FILIP1L: variants seen among roughly 807,000 people sequenced by gnomAD.
The protein encoded by FILIP1L is filamin A interacting protein 1 like.
A neutral mutation model predicts 96.6 loss-of-function variants in FILIP1L; 55 were observed. The ratio of observed to expected loss-of-function variants is 0.57; its 90% CI spans 0.46 to 0.71. FILIP1L has a LOEUF of 0.71. FILIP1L is among the 30% of genes least tolerant of loss of function. The pLI is 0.00. For synonymous variants in FILIP1L, 467 were observed against 473.9 expected (o/e 0.99, Z 0.19); for missense variants, 1,304 against 1,321.2 (o/e 0.99, Z 0.20).
intron 4 of FILIP1L, among the ~76,000 whole-genome samples, chr3:99,867,954 A>G (rs1944601748): frequency 6.6e-6 from 1 of 152,230 alleles, no homozygotes; most frequent in Non-Finnish European, 1.5e-5. Context: ...CTGAAAAATT[A>G]ACACCTAGGC....
intron 4 of FILIP1L, among the ~76,000 whole-genome samples, chr3:99,866,972 G>C (rs1944551236): frequency 6.6e-6 from 1 of 152,162 alleles, no homozygotes; most frequent in Non-Finnish European, 1.5e-5. Flanking sequence ...TGTAAGTCCA[G>C]AGCATTTGGG....
intron 1 of FILIP1L, among the ~76,000 whole-genome samples, chr3:99,949,611 A>G (rs553675823): frequency 2.0e-5 from 3 of 152,348 alleles, no homozygotes; most frequent in Admixed American, 1.3e-4. Flanking sequence ...ATTTCAAAGT[A>G]CTTAATATTT....
chr3:100,093,791 A>ATATTTAT (rs2066155369), intron 1 of FILIP1L, among the ~76,000 whole-genome samples: 1 of 152,236 alleles, frequency 6.6e-6, no homozygotes, highest in Non-Finnish European at 1.5e-5. Context: ...TATAAATAGA[A>ATATTTAT]TCATACAACA....
intron 1 of FILIP1L, among the ~76,000 whole-genome samples, chr3:100,105,628 A>C (rs899142823): frequency 2.0e-5 from 3 of 152,158 alleles, no homozygotes; most frequent in Non-Finnish European, 1.5e-5. Context: ...TGACATTCTG[A>C]GTTAATAGGC....
chr3:99,951,681 T>C (rs1356261154), intron 1 of FILIP1L, among the ~76,000 whole-genome samples: 1 of 152,202 alleles, frequency 6.6e-6, no homozygotes, highest in Non-Finnish European at 1.5e-5. Context: ...GGCCACCTTA[T>C]GTCTCTTCCC....
At chr3:99,935,493 T>C (rs1707634630) in intron 1 of FILIP1L, among the ~76,000 whole-genome samples, 1 of 152,180 alleles carries the variant, frequency 6.6e-6, no homozygotes, top group Admixed American at 6.5e-5. Context: ...ATCCCAGCTC[T>C]GCCTTTAATT....
Position 99,850,022 on chromosome 3 carries a change from C to A in FILIP1L, c.1654G>T (p.Asp552Tyr), listed in dbSNP as rs376021359. 3 of 1,607,160 alleles carry A rather than the reference C, an allele frequency of 1.9e-6. No individual in the cohort carries two copies. The highest frequency in any genetic ancestry group is 2.2e-5 in the East Asian group (1 of 44,838). ...ETKRALKSKTDVEEKMYSVTK... is the reference protein window; with the variant it reads ...ETKRALKSKTYVEEKMYSVTK... The stretch of plus-strand genomic sequence containing the variant: ...ACGCTGTACATCTTTTCTTCTACAT[C>A]GGTTTTGGACTTGAGCGCCCTTTTA... The change falls in exon 5 of 6, where the codon GAT (aspartate) becomes TAT (tyrosine). Residue 552 changes from aspartate (D) to tyrosine (Y), a missense_variant. By Grantham distance (160) the Asp-to-Tyr change is radical. Coordinates refer to ENST00000477258, the MANE Select transcript of FILIP1L (RefSeq NM_001387850.1).
At chr3:100,005,185 G>T (rs1709954085) in intron 1 of FILIP1L, among the ~76,000 whole-genome samples, 1 of 152,158 alleles carries the variant, frequency 6.6e-6, no homozygotes, top group Admixed American at 6.5e-5. Context: ...TTTCTTTCCT[G>T]TATTTGTATA....
At chr3:99,937,826 G>A (rs1404953869) in intron 1 of FILIP1L, among the ~76,000 whole-genome samples, 1 of 152,200 alleles carries the variant, frequency 6.6e-6, no homozygotes, top group Non-Finnish European at 1.5e-5. Context: ...AAGTAGCTGT[G>A]TATAGACCTC....
chr3:100,060,115 T>C (rs2065536025), intron 1 of FILIP1L, among the ~76,000 whole-genome samples: 3 of 151,990 alleles, frequency 2.0e-5, no homozygotes, highest in Non-Finnish European at 4.4e-5. Flanking sequence ...GTAAAGGGAT[T>C]TGAGGAAACT....
intron 1 of FILIP1L, among the ~76,000 whole-genome samples, chr3:100,077,023 C>T (rs895771544): frequency 4.6e-5 from 7 of 152,178 alleles, no homozygotes; most frequent in African/African-American, 9.7e-5. Context: ...AGAGGGCTTT[C>T]GGAACAAGGC....
At chr3:99,832,906 GT>G (rs2107488099) in intron 5 of FILIP1L, among the ~76,000 whole-genome samples, 1 of 143,916 alleles carries the variant, frequency 6.9e-6, no homozygotes, top group South Asian at 2.2e-4. Flanking sequence ...ACATGTTTCA[GT>G]AAATGAGGTA....
chr3:100,023,892 A>T (rs1306357155), intron 1 of FILIP1L, among the ~76,000 whole-genome samples: 1 of 152,204 alleles, frequency 6.6e-6, no homozygotes, highest in African/African-American at 2.4e-5. Context: ...TTTAGCAAAC[A>T]TTTTTAAAAC....
At position 99,850,714 on chromosome 3, in the gene FILIP1L, C is replaced by T. The variant is rs756569513; in HGVS notation, c.962G>A (p.Arg321His). The T allele has an allele frequency of 6.2e-5, 100 of 1,614,010 alleles. 1 individual carries two copies. In the Admixed American group the frequency reaches 6.5e-4, roughly 10 times the overall value. ...AKLTNEDSQN[R>H]QLQQKLAALS... ...TGCTGCCAGCTTTTGTTGAAGCTGG[C>T]GATTTTGACTGTCCTCATTGGTGAG... is the stretch of plus-strand genomic sequence containing the variant. The change falls in exon 5 of 6, where the codon CGC (arginine) becomes CAC (histidine). Residue 321 changes from arginine (R) to histidine (H), a missense_variant. By Grantham distance (29) the Arg-to-His change is conservative. Transcript: ENST00000477258.
intron 1 of FILIP1L, among the ~76,000 whole-genome samples, chr3:100,021,334 C>T (rs1216728799): frequency 6.6e-6 from 1 of 152,188 alleles, no homozygotes; most frequent in Non-Finnish European, 1.5e-5. Context: ...GTGCCCTCAA[C>T]TTTATCCCCC....
chr3:100,001,991 A>G (rs548993862), intron 1 of FILIP1L, among the ~76,000 whole-genome samples: 1 of 152,136 alleles, frequency 6.6e-6, no homozygotes, highest in East Asian at 1.9e-4. Flanking sequence ...CCCAATTCTG[A>G]AGCTTTGTTG....
intron 4 of FILIP1L, among the ~76,000 whole-genome samples, chr3:99,856,410 C>T (rs528574926): frequency 6.6e-6 from 1 of 152,194 alleles, no homozygotes; most frequent in Non-Finnish European, 1.5e-5. Context: ...AGTTTAAAGA[C>T]TATTGTCTTG....
intron 4 of FILIP1L, among the ~76,000 whole-genome samples, chr3:99,915,866 A>G (rs1047023340): frequency 2.1e-4 from 32 of 152,164 alleles, no homozygotes; most frequent in African/African-American, 7.7e-4. Context: ...GCCACTTGAA[A>G]ACTCTTATTA....
At chr3:99,890,037 T>G (rs1379922287) in intron 4 of FILIP1L, among the ~76,000 whole-genome samples, 1 of 152,144 alleles carries the variant, frequency 6.6e-6, no homozygotes, top group African/African-American at 2.4e-5. Context: ...TCCTTCAATC[T>G]AAATGCATCC....
Sources: allele counts gnomAD v4.1 joint callset (sites outside exome capture counted in the v4.1 genomes callset), GRCh38; gene constraint gnomAD v4.1.1; transcripts MANE v1.5; gene names NCBI Gene and HGNC (gene_info 2026-07-23, HGNC 2026-07-21).